Variants in CNTN5 observed in about 807,000 individuals in gnomAD.
CNTN5 encodes the protein contactin-5.
In CNTN5, 77 loss-of-function variants were observed where a neutral mutation model predicts 129.1. The ratio of observed to expected loss-of-function variants is 0.60; its 90% CI spans 0.50 to 0.72. CNTN5 has a LOEUF of 0.72. Among genes scored for constraint, CNTN5 ranks in the 30% least tolerant of loss-of-function variants. The pLI is 0.00. For synonymous variants in CNTN5, 509 were observed against 465.6 expected, an observed-to-expected ratio of 1.09 and a Z score of -1.20; for missense variants, 1,478 against 1,328.8, an observed-to-expected ratio of 1.11 and a Z score of -1.75.
intron 3 of CNTN5, among the ~76,000 whole-genome samples, chr11:99,573,279 A>C (rs965098936): frequency 6.6e-6 from 1 of 152,016 alleles, no homozygotes; most frequent in Non-Finnish European, 1.5e-5. Flanking sequence ...CGTTGTTTTA[A>C]ATAGTTCCTG....
chr11:99,985,981 C>A (rs34663663), intron 8 of CNTN5, among the ~76,000 whole-genome samples: 46,674 of 151,772 alleles, frequency 0.31, 7,726 homozygotes, highest in African/African-American at 0.43. Context: ...ATTATTCTAC[C>A]TTCATCACAA....
chr11:99,419,795 G>C (rs2135048010), intron 2 of CNTN5, among the ~76,000 whole-genome samples: 1 of 152,152 alleles, frequency 6.6e-6, no homozygotes, highest in South Asian at 2.1e-4. Context: ...TTCTATTGTG[G>C]TATTTTCTTA....
At chr11:99,453,741 A>C (rs914495935) in intron 2 of CNTN5, among the ~76,000 whole-genome samples, 1 of 152,100 alleles carries the variant, frequency 6.6e-6, no homozygotes, top group Non-Finnish European at 1.5e-5. Context: ...GCAAAATGGG[A>C]ATGTATATCT....
intron 1 of CNTN5, among the ~76,000 whole-genome samples, chr11:99,102,871 A>G (rs1460821170): frequency 3.3e-5 from 5 of 152,050 alleles, no homozygotes; most frequent in Non-Finnish European, 7.4e-5. Flanking sequence ...ACTGGTACCA[A>G]TTTACTGTAT....
intron 3 of CNTN5, among the ~76,000 whole-genome samples, chr11:99,664,136 A>G (rs575921225): frequency 1.3e-5 from 2 of 152,246 alleles, no homozygotes; most frequent in Admixed American, 1.3e-4. Context: ...TTTGTACTCT[A>G]TCACTGTGTT....
intron 2 of CNTN5, among the ~76,000 whole-genome samples, chr11:99,456,090 C>T (rs925103721): frequency 7.2e-5 from 11 of 152,192 alleles, no homozygotes; most frequent in South Asian, 2.1e-4. Flanking sequence ...CCATTGCTGA[C>T]GTTTTTCTTT....
At position 99,302,800 on chromosome 11, in the gene CNTN5, T is replaced by C. The variant is rs573079511; in HGVS notation, c.-209-22546T>C. Among the ~76,000 whole-genome samples, 8 of 151,886 alleles carry C rather than the reference T, an allele frequency of 5.3e-5. 1 individual carries two copies. The South Asian group carries it at 1.7e-3, about 32-fold the overall frequency. On this transcript the variant is annotated intron_variant, in intron 1 of 24. Transcript: ENST00000524871. ...TAGAAAACAACAACTATTAATCCTA[T>C]ACTTGAGAATTCTATCAAAAATGAG...
chr11:100,192,032 A>C (rs1948509191), intron 14 of CNTN5, among the ~76,000 whole-genome samples: 1 of 152,028 alleles, frequency 6.6e-6, no homozygotes. Flanking sequence ...AATGTAATTA[A>C]TACATTTACA....
At chr11:99,622,598 A>G (rs371319220) in intron 3 of CNTN5, among the ~76,000 whole-genome samples, 3 of 152,178 alleles carry the variant, frequency 2.0e-5, no homozygotes, top group Admixed American at 6.5e-5. Flanking sequence ...CACTTTTTCA[A>G]TGAAAGGAAG....
chr11:99,424,348 C>T (rs537734453), intron 2 of CNTN5, among the ~76,000 whole-genome samples: 5 of 152,310 alleles, frequency 3.3e-5, no homozygotes, highest in African/African-American at 1.2e-4. Flanking sequence ...TGGGGGTTGT[C>T]GCTTTCCCAG....
intron 16 of CNTN5, among the ~76,000 whole-genome samples, chr11:100,236,384 G>C (rs1437236263): frequency 6.6e-6 from 1 of 152,142 alleles, no homozygotes; most frequent in African/African-American, 2.4e-5. Context: ...GGCCCCTCAT[G>C]AAGTTTCCCG....
At chr11:99,378,599 T>C (rs985384557) in intron 2 of CNTN5, among the ~76,000 whole-genome samples, 1 of 152,136 alleles carries the variant, frequency 6.6e-6, no homozygotes, top group Non-Finnish European at 1.5e-5. Flanking sequence ...ACAGACTTCA[T>C]ATATATACTT....
intron 1 of CNTN5, among the ~76,000 whole-genome samples, chr11:99,213,258 C>CAT (rs1214196577): frequency 2.3e-4 from 33 of 143,100 alleles, no homozygotes; most frequent in Non-Finnish European, 2.4e-4. Context: ...TACATATATA[C>CAT]ATATATATAA....
chr11:99,584,741 T>A (rs1471531007), intron 3 of CNTN5, among the ~76,000 whole-genome samples: 1 of 152,240 alleles, frequency 6.6e-6, no homozygotes, highest in Non-Finnish European at 1.5e-5. Context: ...GGGAAAAGCA[T>A]TCTGCTTTCA....
intron 3 of CNTN5, among the ~76,000 whole-genome samples, chr11:99,573,346 G>T (rs1192867337): frequency 6.6e-6 from 1 of 151,890 alleles, no homozygotes; most frequent in Non-Finnish European, 1.5e-5. Flanking sequence ...CTAGGCGGGC[G>T]GATCACGAGG....
intron 21 of CNTN5, among the ~76,000 whole-genome samples, chr11:100,330,550 A>G (rs1951885719): frequency 6.7e-6 from 1 of 149,124 alleles, no homozygotes; most frequent in Non-Finnish European, 1.5e-5. Flanking sequence ...AGTCAAGACG[A>G]AGGAAATTTT....
intron 2 of CNTN5, among the ~76,000 whole-genome samples, chr11:99,357,805 T>C (rs1443032666): frequency 6.6e-6 from 1 of 151,500 alleles, no homozygotes; most frequent in Non-Finnish European, 1.5e-5. Context: ...TGCCCCCACC[T>C]CTCATCTGTT....
At chr11:99,879,487 G>A (rs975309606) in intron 6 of CNTN5, among the ~76,000 whole-genome samples, 1 of 152,130 alleles carries the variant, frequency 6.6e-6, no homozygotes, top group African/African-American at 2.4e-5. Flanking sequence ...GGTAAACATA[G>A]AAGCTCCCAA....
chr11:99,034,340 A>C (rs1863582066), intron 1 of CNTN5, among the ~76,000 whole-genome samples: 1 of 151,936 alleles, frequency 6.6e-6, no homozygotes, highest in Non-Finnish European at 1.5e-5. Context: ...TTTCAGAAGG[A>C]ATGGTACCAG....
Sources: gnomAD v4.1 joint callset for allele counts (sites outside exome capture counted in the v4.1 genomes callset) on GRCh38, gnomAD v4.1.1 for gene constraint, MANE v1.5 for transcripts, NCBI Gene and HGNC (gene_info 2026-07-23, HGNC 2026-07-21) for gene names.